The following SV2C variants were observed in gnomAD, a reference collection of about 807,000 sequenced individuals.
SV2C encodes synaptic vesicle glycoprotein 2C, also known as solute carrier family 22 member B3.
In SV2C, 49 loss-of-function variants were observed where a neutral mutation model predicts 79.7. That is an observed-to-expected ratio of 0.61 (90% CI 0.49 to 0.78). The LOEUF is 0.78. Among genes scored for constraint, SV2C ranks in the 30% least tolerant of loss-of-function variants. The probability of loss-of-function intolerance (pLI) is 0.00; values close to 1 mark genes in which losing one functional copy is unlikely to be tolerated. For synonymous variants in SV2C, 334 were observed against 333.2 expected, an observed-to-expected ratio of 1.00 and a Z score of -0.03; for missense variants, 833 against 912.9, an observed-to-expected ratio of 0.91 and a Z score of 1.13.
chr5:76,169,974 AAAAAATAAT>A (rs1306997970), intron 2 of SV2C, among the ~76,000 whole-genome samples: 1 of 143,100 alleles, frequency 7.0e-6, no homozygotes, highest in Non-Finnish European at 1.5e-5. Flanking sequence ...AGATATTGGT[AAAAAATAAT>A]AAATAAATAA....
intron 4 of SV2C, among the ~76,000 whole-genome samples, chr5:76,279,343 T>A (rs1057044488): frequency 6.6e-6 from 1 of 152,142 alleles, no homozygotes; most frequent in Non-Finnish European, 1.5e-5. Context: ...TGGAGATAGA[T>A]TAGTGCCCCT....
the SV2C span, among the ~76,000 whole-genome samples, chr5:76,029,556 T>G: frequency 6.6e-6 from 1 of 152,328 alleles, no homozygotes; most frequent in Middle Eastern, 3.4e-3. Context: ...AAGAAGTATT[T>G]GAGGCAAAAA....
intron 12 of SV2C, among the ~76,000 whole-genome samples, chr5:76,323,487 A>G (rs529650440): frequency 6.6e-6 from 1 of 152,376 alleles, no homozygotes; most frequent in South Asian, 2.1e-4. Context: ...GCGATTCCTC[A>G]AGGATCTAGA....
chr5:76,050,895 G>A, the SV2C span, among the ~76,000 whole-genome samples: 2 of 152,068 alleles, frequency 1.3e-5, no homozygotes, highest in East Asian at 1.9e-4. Flanking sequence ...AAAGCTACAG[G>A]GAGGAATACG....
the SV2C span, among the ~76,000 whole-genome samples, chr5:75,984,536 C>CCCAT: frequency 1.4e-5 from 2 of 144,992 alleles, no homozygotes; most frequent in Non-Finnish European, 3.0e-5. Flanking sequence ...GATCTATCTG[C>CCCAT]CTATCTATCT....
the SV2C span, among the ~76,000 whole-genome samples, chr5:75,984,561 CTATCTA>C: frequency 2.0e-5 from 1 of 48,928 alleles, no homozygotes; most frequent in African/African-American, 6.5e-5. Flanking sequence ...ATCTATCTAT[CTATCTA>C]TATCTATCTA....
the SV2C span, among the ~76,000 whole-genome samples, chr5:75,889,107 T>C: frequency 6.6e-6 from 1 of 152,148 alleles, no homozygotes. Context: ...TTTATTTTAC[T>C]TTAAGTTCTG....
At chr5:76,034,250 T>C in the SV2C span, among the ~76,000 whole-genome samples, 1 of 152,070 alleles carries the variant, frequency 6.6e-6, no homozygotes, top group African/African-American at 2.4e-5. Context: ...TTCCTTCTCC[T>C]GCCTGATTGC....
At chr5:76,137,766 A>G (rs948375060) in intron 2 of SV2C, among the ~76,000 whole-genome samples, 2 of 152,162 alleles carry the variant, frequency 1.3e-5, no homozygotes, top group East Asian at 1.9e-4. Flanking sequence ...AATTTGGTCT[A>G]TGTGCTTCTC....
At chr5:75,854,954 C>A in the SV2C span, among the ~76,000 whole-genome samples, 1 of 152,136 alleles carries the variant, frequency 6.6e-6, no homozygotes, top group African/African-American at 2.4e-5. Context: ...GTTCCAGAAC[C>A]ATTTCTTTAT....
rs544930571 is a variant in SV2C, at chr5:76,330,015, G to A, written c.*4468G>A. Reference sequence around the variant, plus strand: ...TTCTCACAGTTTTTGTTTATGCTCAGCAAAGTATGTATTTTAAGTAAAGCT... The same window carrying A: ...TTCTCACAGTTTTTGTTTATGCTCAACAAAGTATGTATTTTAAGTAAAGCT... On this transcript the variant is annotated 3_prime_UTR_variant, in exon 13 of 13. Transcript: ENST00000502798. 8.6e-5 allele frequency: 13 copies of A among 150,520 alleles called. No homozygotes were observed. In the East Asian group the frequency reaches 2.5e-3, roughly 29 times the overall value. The allele number at this position is 150,520 out of a possible 1,614,324, so 9.3% of individuals were successfully genotyped here.
chr5:76,177,094 G>A (rs1209478124), intron 2 of SV2C, among the ~76,000 whole-genome samples: 3 of 142,602 alleles, frequency 2.1e-5, no homozygotes, highest in Non-Finnish European at 3.0e-5. Flanking sequence ...CAGCCTGGGC[G>A]ACAGAGCGAG....
At chr5:76,210,690 C>T (rs905289774) in intron 4 of SV2C, among the ~76,000 whole-genome samples, 5 of 152,176 alleles carry the variant, frequency 3.3e-5, no homozygotes, top group Non-Finnish European at 4.4e-5. Context: ...CTCTCCCCTT[C>T]CTGGAGGATG....
the SV2C span, among the ~76,000 whole-genome samples, chr5:75,851,794 C>G: frequency 6.6e-6 from 1 of 152,198 alleles, no homozygotes; most frequent in African/African-American, 2.4e-5. Context: ...GGACTACAGG[C>G]GCATGGCGCC....
the SV2C span, among the ~76,000 whole-genome samples, chr5:75,897,893 G>C: frequency 6.6e-6 from 1 of 151,918 alleles, no homozygotes; most frequent in African/African-American, 2.4e-5. Context: ...GTATAAGAAT[G>C]CTTGTGATTT....
At chr5:76,015,796 T>C in the SV2C span, among the ~76,000 whole-genome samples, 1 of 152,118 alleles carries the variant, frequency 6.6e-6, no homozygotes, top group East Asian at 1.9e-4. Context: ...TTACTCAAAC[T>C]TTTAAAATGA....
rs1748895398 is a variant in SV2C, at chr5:76,131,710, G to GA, written c.-37dup. Reference sequence around the variant, plus strand: ...AGCTGAACCACTGAAAGGAGGCTGTGAAAATTTCCCATCTTCTCATTGGCC... The same window carrying GA: ...AGCTGAACCACTGAAAGGAGGCTGTGAAAAATTTCCCATCTTCTCATTGGCC... On this transcript the variant is annotated 5_prime_UTR_variant, in exon 2 of 13. Coordinates refer to ENST00000502798, the MANE Select transcript of SV2C (RefSeq NM_014979.4). The GA allele has an allele frequency of 5.9e-6, 9 of 1,538,448 alleles. No individual in the cohort carries two copies. Among genetic ancestry groups the GA allele is most frequent in the Non-Finnish European group, 7.9e-6 (9 of 1,138,378 alleles).
intron 1 of SV2C, among the ~76,000 whole-genome samples, chr5:76,107,692 A>C (rs1747966470): frequency 6.6e-6 from 1 of 152,116 alleles, no homozygotes; most frequent in South Asian, 2.1e-4. Flanking sequence ...GTCTCTACCA[A>C]AAATATGAAA....
chr5:76,140,936 A>G (rs1749231597), intron 2 of SV2C, among the ~76,000 whole-genome samples: 1 of 152,206 alleles, frequency 6.6e-6, no homozygotes, highest in South Asian at 2.1e-4. Flanking sequence ...GGAGTTAAAA[A>G]GTTATTGGCT....
Sources: allele counts gnomAD v4.1 joint callset (sites outside exome capture counted in the v4.1 genomes callset), GRCh38; gene constraint gnomAD v4.1.1; transcripts MANE v1.5; gene names NCBI Gene and HGNC (gene_info 2026-07-23, HGNC 2026-07-21).